NFIB: variants seen among roughly 807,000 people sequenced by gnomAD.
The protein encoded by NFIB is nuclear factor I B.
Under a neutral mutation model 61.5 loss-of-function variants are expected in NFIB, and 11 were observed. That is an observed-to-expected ratio of 0.18 (90% CI 0.11 to 0.30). The LOEUF (loss-of-function observed/expected upper bound fraction) is 0.30. Among genes scored for constraint, NFIB ranks in the 10% least tolerant of loss-of-function variants. The pLI is 1.00. For synonymous variants in NFIB, 260 were observed against 216.5 expected, an observed-to-expected ratio of 1.20 and a Z score of -1.76; for missense variants, 471 against 608.9, an observed-to-expected ratio of 0.77 and a Z score of 2.38.
At chr9:14,435,646 C>T in the NFIB span, among the ~76,000 whole-genome samples, 14 of 152,262 alleles carry the variant, frequency 9.2e-5, no homozygotes, top group East Asian at 5.8e-4. Context: ...TGAAAGTTTA[C>T]AACATTCCAT....
chr9:14,240,864 C>T (rs2132036208), intron 2 of NFIB, among the ~76,000 whole-genome samples: 1 of 152,264 alleles, frequency 6.6e-6, no homozygotes, highest in Middle Eastern at 3.4e-3. Context: ...TTGTAGGCTG[C>T]AAGTATCACA....
chr9:14,507,051 T>C, the NFIB span, among the ~76,000 whole-genome samples: 1 of 152,234 alleles, frequency 6.6e-6, no homozygotes, highest in African/African-American at 2.4e-5. Context: ...TTAAATGTTT[T>C]AAAACTTATT....
the NFIB span, among the ~76,000 whole-genome samples, chr9:14,503,706 G>C: frequency 2.0e-5 from 3 of 152,072 alleles, no homozygotes; most frequent in Non-Finnish European, 2.9e-5. Flanking sequence ...TGGGTTCTTT[G>C]TAGATTCTGG....
intron 6 of NFIB, among the ~76,000 whole-genome samples, chr9:14,134,907 A>AAAAAAAAAAAAAAAAC (rs1563820775): frequency 3.7e-4 from 47 of 125,952 alleles, no homozygotes; most frequent in African/African-American, 1.4e-3. Context: ...CAAAAAAAAA[A>AAAAAAAAAAAAAAAAC]AAAAAAAAAA....
chr9:14,332,507 T>C (rs1440000675), intron 1 of NFIB, among the ~76,000 whole-genome samples: 3 of 152,096 alleles, frequency 2.0e-5, no homozygotes, highest in Non-Finnish European at 4.4e-5. Flanking sequence ...CTTGAGCAAC[T>C]GCATGTTCAT....
intron 6 of NFIB, among the ~76,000 whole-genome samples, chr9:14,130,915 G>GA (rs1425420713): frequency 6.6e-6 from 1 of 152,134 alleles, no homozygotes; most frequent in Non-Finnish European, 1.5e-5. Context: ...ATCAATCACT[G>GA]AGATTCTAGT....
intron 3 of NFIB, among the ~76,000 whole-genome samples, chr9:14,175,716 A>G (rs1381043608): frequency 2.0e-5 from 3 of 152,190 alleles, no homozygotes; most frequent in Non-Finnish European, 4.4e-5. Context: ...AAAGGAAAGT[A>G]GCATGTTAAG....
intron 1 of NFIB, among the ~76,000 whole-genome samples, chr9:14,330,161 C>T (rs867055045): frequency 1.3e-5 from 2 of 152,016 alleles, no homozygotes; most frequent in African/African-American, 4.8e-5. Context: ...AACAAACAAA[C>T]GAAAACCAGT....
chr9:14,500,127 T>C, the NFIB span, among the ~76,000 whole-genome samples: 11 of 152,112 alleles, frequency 7.2e-5, no homozygotes, highest in African/African-American at 2.7e-4. Context: ...TTCTCCAGCA[T>C]ATGTAGGTAC....
chr9:14,351,825 C>T (rs2061116347), intron 1 of NFIB, among the ~76,000 whole-genome samples: 1 of 152,184 alleles, frequency 6.6e-6, no homozygotes, highest in Admixed American at 6.5e-5. Flanking sequence ...CATTGCTTTA[C>T]AGATAAAGAA....
the NFIB span, among the ~76,000 whole-genome samples, chr9:14,485,002 G>C: frequency 5.9e-5 from 9 of 152,088 alleles, no homozygotes; most frequent in African/African-American, 1.5e-4. Context: ...ATGACAGAGA[G>C]AGAGAGAAAG....
chr9:14,296,340 C>A (rs1004756531), intron 2 of NFIB, among the ~76,000 whole-genome samples: 1 of 152,216 alleles, frequency 6.6e-6, no homozygotes, highest in African/African-American at 2.4e-5. Context: ...AAGCAAAGCA[C>A]ATGGAGCTGA....
chr9:14,104,123 G>A (rs991472066), intron 10 of NFIB, among the ~76,000 whole-genome samples: 5 of 151,950 alleles, frequency 3.3e-5, no homozygotes, highest in African/African-American at 1.2e-4. Flanking sequence ...ATGTTGGCCA[G>A]GCTGGTCTCG....
the NFIB span, among the ~76,000 whole-genome samples, chr9:14,528,712 A>G: frequency 6.6e-6 from 1 of 152,192 alleles, no homozygotes; most frequent in African/African-American, 2.4e-5. Context: ...TGAAGTTCCA[A>G]ATAGCTGACA....
At chr9:14,096,667 C>G (rs1430321308) in intron 10 of NFIB, 1 of 152,198 alleles carries the variant, frequency 6.6e-6, no homozygotes, top group East Asian at 1.9e-4. Flanking sequence ...TGTCTGGTTT[C>G]TCCTGGTTAC....
chr9:14,211,240 T>C (rs974132261), intron 2 of NFIB, among the ~76,000 whole-genome samples: 1 of 152,218 alleles, frequency 6.6e-6, no homozygotes, highest in African/African-American at 2.4e-5. Context: ...TTACCTGGGC[T>C]ATTTTTAAAA....
At chr9:14,352,572 A>G (rs2061126193) in intron 1 of NFIB, among the ~76,000 whole-genome samples, 1 of 152,144 alleles carries the variant, frequency 6.6e-6, no homozygotes, top group African/African-American at 2.4e-5. Context: ...TGGTGGCTGC[A>G]TTTCTTCCAG....
At chr9:14,207,912 A>G (rs1055835896) in intron 2 of NFIB, among the ~76,000 whole-genome samples, 1 of 152,150 alleles carries the variant, frequency 6.6e-6, no homozygotes, top group Non-Finnish European at 1.5e-5. Flanking sequence ...AATGAGACTC[A>G]AGGAAAGAGC....
At chr9:14,188,123 C>G (rs1414722443) in intron 2 of NFIB, among the ~76,000 whole-genome samples, 2 of 152,198 alleles carry the variant, frequency 1.3e-5, no homozygotes, top group Non-Finnish European at 2.9e-5. Flanking sequence ...AAACACCGTA[C>G]TGGTCATTGT....
Sources: gnomAD v4.1 joint callset for allele counts (sites outside exome capture counted in the v4.1 genomes callset) on GRCh38, gnomAD v4.1.1 for gene constraint, MANE v1.5 for transcripts, NCBI Gene and HGNC (gene_info 2026-07-23, HGNC 2026-07-21) for gene names.